The following PIM3 variants were observed in gnomAD, a reference collection of about 807,000 sequenced individuals.
The protein encoded by PIM3 is Pim-3 proto-oncogene, serine/threonine kinase.
PIM3 carries 13 observed loss-of-function variants against 27.5 expected under a neutral mutation model. The observed-to-expected ratio is 0.47, with a 90% confidence interval of 0.31 to 0.75. The LOEUF is 0.75. PIM3 is among the 30% of genes least tolerant of loss of function. The pLI, the probability that PIM3 is intolerant of heterozygous loss-of-function variation, is 0.05. For missense variants in PIM3, 482 were observed against 476.9 expected, an observed-to-expected ratio of 1.01 and a Z score of -0.10; for synonymous variants, 341 against 221.1, an observed-to-expected ratio of 1.54 and a Z score of -4.81.
At position 49,960,911 on chromosome 22, in the gene PIM3, C is replaced by T; in HGVS notation, c.-37C>T. 8.2e-7 allele frequency: 1 copy of T among 1,225,654 alleles called. No homozygotes were observed. 75.9% of individuals were successfully genotyped at this position (1,225,654 alleles called of 1,614,324 possible). ...GCCCGGATCGGCCGCGGCTTCGGCG[C>T]CTGGGGCTCGGGGCTCCGGGGAGGC... is the stretch of plus-strand genomic sequence containing the variant. On this transcript the variant is annotated 5_prime_UTR_variant, in exon 1 of 6. Transcript: ENST00000360612.
At chr22:49,961,075 G>A (rs757215652) in intron 1 of PIM3, 43 bp downstream of exon 1, 2 of 1,373,730 alleles carry the variant, frequency 1.5e-6, no homozygotes, top group Non-Finnish European at 9.4e-7. Flanking sequence ...GCCAGGGCGG[G>A]GACCGGGGGC....
rs757713836 is a variant in PIM3, at chr22:49,961,528, C to T, written c.333C>T (p.Asp111=). ...GGARGVIRLL[D]WFERPDGFLL... ...CGCGCGGCGTCATCCGCCTGCTGGACTGGTTCGAGCGGCCCGACGGCTTCC... is the reference window on the plus strand; with the variant it reads ...CGCGCGGCGTCATCCGCCTGCTGGATTGGTTCGAGCGGCCCGACGGCTTCC... Residue 111 remains aspartate, a synonymous_variant, in exon 4 of 6, where the codon GAC becomes GAT. Coordinates refer to ENST00000360612, the MANE Select transcript of PIM3 (RefSeq NM_001001852.4). 2 of 1,541,504 alleles carry T rather than the reference C, an allele frequency of 1.3e-6. No individual in the cohort carries two copies. The highest frequency in any genetic ancestry group is 8.7e-7 in the Non-Finnish European group (1 of 1,144,370).
rs769636404 is a variant in PIM3 at position 49,961,579 on chromosome 22, G to A, written c.384G>A (p.Pro128=). 32 of 1,547,168 alleles carry A rather than the reference G, an allele frequency of 2.1e-5. No individual in the cohort carries two copies. The South Asian group carries it at 2.9e-4, about 14-fold the overall frequency. The stretch of plus-strand genomic sequence containing the variant: ...TGCTGGTGCTGGAGCGGCCCGAGCC[G>A]GCGCAGGACCTCTTCGACTTTATCA... ...GFLLVLERPE[P]AQDLFDFITE... is the part of the protein sequence containing the mutation. Residue 128 remains proline, a synonymous_variant, in exon 4 of 6, where the codon CCG becomes CCA. Transcript: ENST00000360612.
Position 49,963,260 on chromosome 22 carries a change from C to G in PIM3, c.*133C>G. 1 of 1,025,040 alleles carries G rather than the reference C, an allele frequency of 9.8e-7. No individual in the cohort carries two copies. The highest frequency in any genetic ancestry group is 1.8e-5 in the South Asian group (1 of 56,446). 63.5% of individuals were successfully genotyped at this position (1,025,040 alleles called of 1,614,324 possible). A position where few individuals can be genotyped will look rare whatever the true frequency, so the allele number is the denominator to read the frequency against. ...GTGACCTCTGACCCCTGGTGACCTTCGCTTTGAGTGCCTTTTGAACGCTGG... is the reference window on the plus strand; with the variant it reads ...GTGACCTCTGACCCCTGGTGACCTTGGCTTTGAGTGCCTTTTGAACGCTGG... On this transcript the variant is annotated 3_prime_UTR_variant, in exon 6 of 6. Coordinates refer to ENST00000360612, the MANE Select transcript of PIM3 (RefSeq NM_001001852.4).
chr22:49,962,422 G>T (rs1397862861), intron 4 of PIM3, among the ~76,000 whole-genome samples: 1 of 149,402 alleles, frequency 6.7e-6, no homozygotes, highest in Admixed American at 6.7e-5. Flanking sequence ...CACCCAGGTA[G>T]CCTCACAGCG....
chr22:49,961,926 T>C (rs2060909567), intron 4 of PIM3, 115 bp downstream of exon 4: 3 of 1,464,686 alleles, frequency 2.0e-6, no homozygotes, highest in Non-Finnish European at 2.8e-6. Flanking sequence ...GCCCTGGGTC[T>C]GCTCTCGTGG....
At chr22:49,962,616 C>T in intron 4 of PIM3, 73 bp from the exon 5 acceptor site, 18 of 1,499,866 alleles carry the variant, frequency 1.2e-5, no homozygotes, top group Admixed American at 2.0e-5. Flanking sequence ...AGGGAGTTAA[C>T]CAGCAGGGAC....
chr22:49,962,679 G>A lies in PIM3; in HGVS notation c.617-10G>A. 6.2e-7 allele frequency: 1 copy of A among 1,606,150 alleles called. No individual in the cohort carries two copies. The highest frequency in any genetic ancestry group is 1.1e-5 in the South Asian group (1 of 90,336). On this transcript the variant is annotated splice_polypyrimidine_tract_variant and intron_variant, in intron 4 of 5. Transcript: ENST00000360612. ...CTGTGGTGGGCGTGCTAAGCCCTGT[G>A]TCCCCTTAGGCACCCGAGTGTACAG...
Position 49,960,894 on chromosome 22 carries a change from C to A in PIM3, c.-54C>A, listed in dbSNP as rs1006249721. The A allele has an allele frequency of 1.7e-6, 2 of 1,163,942 alleles. No homozygotes were observed. The highest frequency in any genetic ancestry group is 2.1e-6 in the Non-Finnish European group (2 of 945,134). 72.1% of individuals were successfully genotyped at this position (1,163,942 alleles called of 1,614,324 possible). ...TCCCCGGCGCGCCGCTCGCCCGGAT[C>A]GGCCGCGGCTTCGGCGCCTGGGGCT... On this transcript the variant is annotated 5_prime_UTR_variant, in exon 1 of 6. Transcript: ENST00000360612.
chr22:49,963,260 C>T lies in PIM3; in HGVS notation c.*133C>T, dbSNP rs2060918931. The T allele has an allele frequency of 2.0e-6, 2 of 1,025,040 alleles. No individual in the cohort carries two copies. The highest frequency in any genetic ancestry group is 2.7e-6 in the Non-Finnish European group (2 of 731,046). The allele number at this position is 1,025,040 out of a possible 1,614,324, so 63.5% of individuals were successfully genotyped here. On this transcript the variant is annotated 3_prime_UTR_variant, in exon 6 of 6. Coordinates refer to ENST00000360612, the MANE Select transcript of PIM3 (RefSeq NM_001001852.4). Reference sequence around the variant, plus strand: ...GTGACCTCTGACCCCTGGTGACCTTCGCTTTGAGTGCCTTTTGAACGCTGG... The same window carrying T: ...GTGACCTCTGACCCCTGGTGACCTTTGCTTTGAGTGCCTTTTGAACGCTGG...
At position 49,961,795 on chromosome 22, in the gene PIM3, C is replaced by G. The variant is rs746022257; in HGVS notation, c.600C>G (p.Val200=). 1 of 1,611,284 alleles carries G rather than the reference C, an allele frequency of 6.2e-7. No individual in the cohort carries two copies. Among genetic ancestry groups the G allele is most frequent in the Non-Finnish European group, 8.5e-7 (1 of 1,179,246 alleles). ...CGGGTGCGCTGCTCAAGGACACGGT[C>G]TACACCGACTTCGACGGTGAGCGCG... ...FGSGALLKDT[V]YTDFDGTRVY... The change falls in exon 4 of 6, where the codon GTC becomes GTG. Residue 200 remains valine (V), a synonymous_variant. Coordinates refer to ENST00000360612, the MANE Select transcript of PIM3 (RefSeq NM_001001852.4).
intron 4 of PIM3, 23 bp downstream of exon 4, chr22:49,961,834 G>A: frequency 6.2e-7 from 1 of 1,609,764 alleles, no homozygotes. Flanking sequence ...GCGGGGCAGG[G>A]AACGTTCCGG....
At chr22:49,961,055 CG>C (rs1207407630) in intron 1 of PIM3, 23 bp downstream of exon 1, 2 of 1,336,620 alleles carry the variant, frequency 1.5e-6, no homozygotes, top group African/African-American at 1.5e-5. Flanking sequence ...CCGGCGGGGC[CG>C]GGGCCGGGGC....
chr22:49,961,630 G>T lies in PIM3; in HGVS notation c.435G>T (p.Pro145=). 6.4e-7 allele frequency: 1 copy of T among 1,558,064 alleles called. No homozygotes were observed. The highest frequency in any genetic ancestry group is 8.7e-7 in the Non-Finnish European group (1 of 1,151,988). ...CGGAGCGCGGCGCCCTGGACGAGCCGCTGGCGCGCCGCTTCTTCGCGCAGG... is the reference window on the plus strand; with the variant it reads ...CGGAGCGCGGCGCCCTGGACGAGCCTCTGGCGCGCCGCTTCTTCGCGCAGG... The part of the protein sequence containing the change: ...FITERGALDE[P]LARRFFAQVL... Residue 145 remains proline (P), a synonymous_variant, in exon 4 of 6, where the codon CCG becomes CCT. Transcript: ENST00000360612.
chr22:49,962,507 C>G, intron 4 of PIM3, among the ~76,000 whole-genome samples, 182 bp from the exon 5 acceptor site: 1 of 151,874 alleles, frequency 6.6e-6, no homozygotes, highest in East Asian at 1.9e-4. Context: ...AGGGGGACGG[C>G]CGGCCCCTCC....
chr22:49,962,301 G>C lies in PIM3; in HGVS notation c.617-388G>C, dbSNP rs1404050459. ...CAGAAATCCCCGCATTGCGGAGCTT[G>C]GGGAAGCCGGGGCTCCCCGCCCGCC... On this transcript the variant is annotated intron_variant, in intron 4 of 5. Transcript: ENST00000360612. Among the ~76,000 whole-genome samples the C allele has an allele frequency of 2.0e-5, 3 of 151,656 alleles. No individual in the cohort carries two copies. In the East Asian group the frequency reaches 5.9e-4, roughly 30 times the overall value.
intron 4 of PIM3, among the ~76,000 whole-genome samples, 153 bp downstream of exon 4, chr22:49,961,964 GGAGGGCT>G (rs1394040816): frequency 2.0e-5 from 3 of 152,130 alleles, no homozygotes; most frequent in Non-Finnish European, 4.4e-5. Flanking sequence ...GCTACCCTGG[GGAGGGCT>G]GAGCGAGGGA....
In PIM3 at chr22:49,962,953, G is replaced by T; in HGVS notation, c.807G>T (p.Leu269=). The T allele has an allele frequency of 6.2e-7, 1 of 1,606,398 alleles. No individual in the cohort carries two copies. The highest frequency in any genetic ancestry group is 1.1e-5 in the South Asian group (1 of 90,868). ...CGCTCCGCACAGAGTGCCAGCAGCT[G>T]ATCCGGTGGTGCCTGTCCCTGCGGC... ...RRRVSPECQQ[L]IRWCLSLRPS... Residue 269 remains leucine, a synonymous_variant, in exon 6 of 6, where the codon CTG becomes CTT. Coordinates refer to ENST00000360612, the MANE Select transcript of PIM3 (RefSeq NM_001001852.4).
In PIM3 at chr22:49,961,192, C is replaced by A; in HGVS notation, c.153C>A (p.Phe51Leu). The A allele has an allele frequency of 6.5e-7, 1 of 1,535,684 alleles. No individual in the cohort carries two copies. The highest frequency in any genetic ancestry group is 2.0e-5 in the Admixed American group (1 of 49,310). Residue 51 changes from phenylalanine (F) to leucine (L), a missense_variant, in exon 2 of 6, where the codon TTC (phenylalanine) becomes TTA (leucine). Coordinates refer to ENST00000360612, the MANE Select transcript of PIM3 (RefSeq NM_001001852.4). The part of the protein sequence containing the change: ...QVGAVLGSGG[F>L]GTVYAGSRIA... ...GCGCCGTGCTGGGTAGCGGCGGCTT[C>A]GGCACGGTCTACGCGGGTAGCCGCA...
Sources: allele counts gnomAD v4.1 joint callset (sites outside exome capture counted in the v4.1 genomes callset), GRCh38; gene constraint gnomAD v4.1.1; transcripts MANE v1.5; gene names NCBI Gene and HGNC (gene_info 2026-07-23, HGNC 2026-07-21).